The following HOTAIR variants were observed in gnomAD, a reference collection of about 807,000 sequenced individuals.
HOTAIR encodes the protein HOX transcript antisense RNA (non-protein coding).
exon 1 of HOTAIR, chr12:53,974,914 C>T: frequency 2.3e-6 from 1 of 433,684 alleles, no homozygotes; most frequent in South Asian, 3.7e-5. Context: ...GGCTTTCCTT[C>T]TGTCCCAGAC....
At position 53,970,726 on chromosome 12, in the gene HOTAIR, G is replaced by A. The variant is rs778252941; in HGVS notation, n.60-1970C>T. ...GGGCCGCCAGCAGCTCCTTGTTGCC[G>A]CCTGGCTCACTTTTATGGTGGCCCA... On this transcript the variant is annotated intron_variant and non_coding_transcript_variant, in intron 1 of 6. Coordinates refer to ENST00000424518, the Ensembl canonical transcript of HOTAIR. 5.3e-5 allele frequency among the ~76,000 whole-genome samples: 8 copies of A among 152,180 alleles called. No individual in the cohort carries two copies. The East Asian group carries it at 1.2e-3, about 22-fold the overall frequency.
At position 53,973,520 on chromosome 12, in the gene HOTAIR, T is replaced by A; in HGVS notation, n.59+1378A>T. ...ATCGGAACAGCTACTCCTCCTGCTA[T>A]GCGGCGGCCGACGAGCTTATGCACC... On this transcript the variant is annotated intron_variant and non_coding_transcript_variant, in intron 1 of 6. Transcript: ENST00000424518. The surrounding 1 kb of genome is among the most constrained non-coding windows in gnomAD (Gnocchi z 4.3). The A allele has an allele frequency of 6.2e-7, 1 of 1,613,710 alleles. No homozygotes were observed. The highest frequency in any genetic ancestry group is 8.5e-7 in the Non-Finnish European group (1 of 1,179,988).
chr12:53,965,066 C>A (rs1712703125), intron 5 of HOTAIR, among the ~76,000 whole-genome samples: 2 of 152,182 alleles, frequency 1.3e-5, no homozygotes, highest in South Asian at 4.1e-4. Context: ...TGGGAGGCAG[C>A]AATAGACAAG....
intron 1 of HOTAIR, among the ~76,000 whole-genome samples, chr12:53,969,868 T>C (rs941475249): frequency 6.6e-6 from 1 of 152,242 alleles, no homozygotes; most frequent in African/African-American, 2.4e-5. Context: ...CTCCTTTCCC[T>C]ACCACGATCT....
chr12:53,971,971 T>G (rs1311153769), intron 1 of HOTAIR, among the ~76,000 whole-genome samples: 5 of 152,210 alleles, frequency 3.3e-5, no homozygotes, highest in Non-Finnish European at 5.9e-5. Context: ...GGACAGAGGC[T>G]GGGGGCTTTG....
chr12:53,972,934 T>C (rs768587235), intron 1 of HOTAIR, among the ~76,000 whole-genome samples: 2 of 132,450 alleles, frequency 1.5e-5, no homozygotes, highest in Non-Finnish European at 3.2e-5. Context: ...CCTCCTTTGC[T>C]CGTGCTGTGG....
exon 7 of HOTAIR, chr12:53,963,226 G>A (rs1274099645): frequency 6.6e-6 from 1 of 152,208 alleles, no homozygotes; most frequent in Non-Finnish European, 1.5e-5. Context: ...GGACAGAGAG[G>A]CTTCCGGCCT....
rs1426543039 is a variant in HOTAIR at position 53,973,402 on chromosome 12, C to T, written n.59+1496G>A. The T allele has an allele frequency of 1.2e-6, 2 of 1,614,116 alleles. No homozygotes were observed. The highest frequency in any genetic ancestry group is 1.3e-5 in the African/African-American group (1 of 74,944). On this transcript the variant is annotated intron_variant and non_coding_transcript_variant, in intron 1 of 6. Transcript: ENST00000424518. The surrounding 1 kb of genome is among the most constrained non-coding windows in gnomAD (Gnocchi z 4.3). Reference sequence around the variant, plus strand: ...ACGGTCTCCTCCTTCCTGCCCCAGGCCCCCTCTCGTCAGATCTCCTATCCC... The same window carrying T: ...ACGGTCTCCTCCTTCCTGCCCCAGGTCCCCTCTCGTCAGATCTCCTATCCC...
chr12:53,973,442 G>GC lies in HOTAIR; in HGVS notation n.59+1455dup. The GC allele has an allele frequency of 1.2e-6, 2 of 1,614,038 alleles. No individual in the cohort carries two copies. Among genetic ancestry groups the GC allele is most frequent in the East Asian group, 2.2e-5 (1 of 44,854 alleles). ...TCTCCTATCCCTACTCGGCCCAAGT[G>GC]CCCCCGGTCCGGGAGGTCTCCTACG... On this transcript the variant is annotated intron_variant and non_coding_transcript_variant, in intron 1 of 6. Coordinates refer to ENST00000424518, the Ensembl canonical transcript of HOTAIR. The surrounding 1 kb of genome is among the most constrained non-coding windows in gnomAD (Gnocchi z 4.3).
chr12:53,969,322 G>A (rs980564724), intron 1 of HOTAIR, among the ~76,000 whole-genome samples: 9 of 152,316 alleles, frequency 5.9e-5, no homozygotes, highest in Admixed American at 5.2e-4. Flanking sequence ...TAGCATCCTG[G>A]GACAATCTCT....
At chr12:53,970,019 G>A (rs941422474) in intron 1 of HOTAIR, among the ~76,000 whole-genome samples, 18 of 152,346 alleles carry the variant, frequency 1.2e-4, no homozygotes, top group African/African-American at 3.4e-4. Context: ...CCTGTTGTCC[G>A]TGTGTTGGAG....
At chr12:53,965,284 TC>T (rs1441547118) in intron 5 of HOTAIR, among the ~76,000 whole-genome samples, 4 of 152,204 alleles carry the variant, frequency 2.6e-5, no homozygotes, top group African/African-American at 9.7e-5. Flanking sequence ...GGATCTGCTT[TC>T]CCCATGCCCC....
chr12:53,974,752 A>G, intron 1 of HOTAIR: 1 of 154,686 alleles, frequency 6.5e-6, no homozygotes, highest in Non-Finnish European at 1.4e-5. Context: ...CTCTCGCCAG[A>G]TTTCACTGCT....
In HOTAIR at chr12:53,973,733, C is replaced by T. The variant is rs780763205; in HGVS notation, n.59+1165G>A. The T allele has an allele frequency of 2.9e-5, 46 of 1,612,644 alleles. No individual in the cohort carries two copies. In the Middle Eastern group the frequency reaches 4.9e-4, roughly 17 times the overall value. On this transcript the variant is annotated intron_variant and non_coding_transcript_variant, in intron 1 of 6. Coordinates refer to ENST00000424518, the Ensembl canonical transcript of HOTAIR. The surrounding 1 kb of genome is among the most constrained non-coding windows in gnomAD (Gnocchi z 4.3). ...ACAACGCCTACTGCGGTGGCGGCGA[C>T]CCGCCCGCCGAGCCCCCCTGCTCCG...
At chr12:53,968,658 T>G (rs1939096336) in exon 2 of HOTAIR, 1 of 152,362 alleles carries the variant, frequency 6.6e-6, no homozygotes, top group Non-Finnish European at 1.5e-5. Context: ...CGGATCAAGC[T>G]CCAGAGCACA....
In HOTAIR at chr12:53,973,929, T is replaced by G; in HGVS notation, n.59+969A>C. The G allele has an allele frequency of 4.9e-6, 7 of 1,427,442 alleles. No individual in the cohort carries two copies. Among genetic ancestry groups the G allele is most frequent in the East Asian group, 2.6e-5 (1 of 38,008 alleles). The allele number at this position is 1,427,442 out of a possible 1,614,324, so 88.4% of individuals were successfully genotyped here. ...GGCCAAAGGAGCCGCCCCCAGTAGG[T>G]AGCAGCGGCCGGGGAACGGGCGGGC... On this transcript the variant is annotated intron_variant and non_coding_transcript_variant, in intron 1 of 6. Coordinates refer to ENST00000424518, the Ensembl canonical transcript of HOTAIR. This position sits in a 1 kb window ranked among gnomAD's most constrained non-coding sequence, Gnocchi z 4.3.
In HOTAIR at chr12:53,973,339, A is replaced by G. The variant is rs374603975; in HGVS notation, n.59+1559T>C. On this transcript the variant is annotated intron_variant and non_coding_transcript_variant, in intron 1 of 6. Coordinates refer to ENST00000424518, the Ensembl canonical transcript of HOTAIR. This position sits in a 1 kb window ranked among gnomAD's most constrained non-coding sequence, Gnocchi z 4.3. ...CGAGGGAGCTGCGCCTCCAACCTCT[A>G]TCTGCCCAGTTGCACTTACTACATG... The G allele has an allele frequency of 7.0e-5, 113 of 1,613,944 alleles. 1 individual carries two copies. In the African/African-American group the frequency reaches 7.2e-4, roughly 10 times the overall value.
intron 1 of HOTAIR, among the ~76,000 whole-genome samples, chr12:53,972,897 C>T (rs193223869): frequency 3.9e-5 from 6 of 152,084 alleles, no homozygotes; most frequent in African/African-American, 1.2e-4. Context: ...CCCATCCCAC[C>T]GCCCACCCCA....
chr12:53,970,222 C>T (rs949099836), intron 1 of HOTAIR, among the ~76,000 whole-genome samples: 1 of 152,222 alleles, frequency 6.6e-6, no homozygotes, highest in Admixed American at 6.5e-5. Flanking sequence ...GGAGGGGTCA[C>T]AGGCACCCAC....
Sources: allele counts gnomAD v4.1 joint callset (sites outside exome capture counted in the v4.1 genomes callset), GRCh38; gene constraint gnomAD v4.1.1; non-coding constraint Gnocchi (gnomAD v3.1); transcripts MANE v1.5; gene names NCBI Gene and HGNC (gene_info 2026-07-23, HGNC 2026-07-21).